Variants in ARHGEF10L observed in about 807,000 individuals in gnomAD.
The protein encoded by ARHGEF10L is rho guanine nucleotide exchange factor 10-like protein.
A neutral mutation model predicts 141.2 loss-of-function variants in ARHGEF10L; 69 were observed. The observed-to-expected ratio is 0.49, with a 90% CI of 0.40 to 0.60. The LOEUF (loss-of-function observed/expected upper bound fraction) is 0.60. Among genes scored for constraint, ARHGEF10L ranks in the 20% least tolerant of loss-of-function variants. The probability of loss-of-function intolerance (pLI) is 0.00; values close to 1 mark genes in which losing one functional copy is unlikely to be tolerated. For missense variants in ARHGEF10L, 1,482 were observed against 1,734.3 expected, an observed-to-expected ratio of 0.85 and a Z score of 2.58; for synonymous variants, 711 against 718.5, an observed-to-expected ratio of 0.99 and a Z score of 0.17.
At position 17,627,236 on chromosome 1, in the gene ARHGEF10L, T is replaced by C. The variant is rs566984394; in HGVS notation, c.1411-94T>C. ...CAGGCCGGGCCCTTTGCAGACCCAG[T>C]GTGTGTAGGGGGTTGCGCAGGGTGA... On this transcript the variant is annotated intron_variant, in intron 14 of 28. Transcript: ENST00000361221. The surrounding 1 kb of genome is among the most constrained non-coding windows in gnomAD (Gnocchi z 4.0). 9 of 1,457,110 alleles carry C rather than the reference T, an allele frequency of 6.2e-6. No homozygotes were observed. The African/African-American group carries it at 9.8e-5, about 16-fold the overall frequency. The allele number at this position is 1,457,110 out of a possible 1,614,324, so 90.3% of individuals were successfully genotyped here. A position where few individuals can be genotyped will look rare whatever the true frequency, so the allele number is the denominator to read the frequency against.
chr1:17,551,798 G>A (rs569068226), intron 1 of ARHGEF10L, among the ~76,000 whole-genome samples: 16 of 152,206 alleles, frequency 1.1e-4, no homozygotes, highest in South Asian at 2.1e-4. Flanking sequence ...GTCTCCCAGC[G>A]TGCCAGGTCA....
At chr1:17,638,040 C>G (rs754387968) in intron 19 of ARHGEF10L, 37 bp downstream of exon 19, 2 of 1,538,318 alleles carry the variant, frequency 1.3e-6, no homozygotes, top group Non-Finnish European at 1.8e-6. Context: ...GCCTGAGCTC[C>G]CCAGTGTGGG....
the ARHGEF10L span, among the ~76,000 whole-genome samples, chr1:17,516,224 G>A: frequency 6.6e-6 from 1 of 152,214 alleles, no homozygotes; most frequent in Non-Finnish European, 1.5e-5. Flanking sequence ...TCACCTCTTG[G>A]AGTGACCGAC....
rs770413843 is a variant in ARHGEF10L, at chr1:17,654,618, C to T, written c.2395-18C>T. On this transcript the variant is annotated intron_variant, in intron 22 of 28. Coordinates refer to ENST00000361221, the MANE Select transcript of ARHGEF10L (RefSeq NM_018125.4). The surrounding 1 kb of genome is among the most constrained non-coding windows in gnomAD (Gnocchi z 4.3). ...ACCTTGATGATTAACCTCACATGTA[C>T]CGTCTCTGTCTCTGCAGCTTGGGGC... The T allele has an allele frequency of 6.2e-7, 1 of 1,611,124 alleles. No individual in the cohort carries two copies. The highest frequency in any genetic ancestry group is 8.5e-7 in the Non-Finnish European group (1 of 1,177,280).
At chr1:17,571,734 A>G (rs996796991) in intron 1 of ARHGEF10L, among the ~76,000 whole-genome samples, 1 of 152,094 alleles carries the variant, frequency 6.6e-6, no homozygotes, top group African/African-American at 2.4e-5. Flanking sequence ...GGGTTTCACC[A>G]CCTTGACCAG....
intron 16 of ARHGEF10L, 87 bp from the exon 17 acceptor site, chr1:17,634,461 T>C: frequency 6.2e-7 from 1 of 1,603,128 alleles, no homozygotes. Flanking sequence ...CCCAGCCCCA[T>C]GGCTGGCCCC....
rs192594679 is a variant in ARHGEF10L, at chr1:17,590,207, G to A, written c.257+1728G>A. Among the ~76,000 whole-genome samples, 221 of 152,302 alleles carry A rather than the reference G, an allele frequency of 1.5e-3. 1 individual carries two copies. Among genetic ancestry groups the A allele is most frequent in the African/African-American group, 4.8e-3 (200 of 41,580 alleles). On this transcript the variant is annotated intron_variant, in intron 4 of 28. Transcript: ENST00000361221. ...CTTCTCTGCCTCCAGGAGCTCATGC[G>A]CTGGTCCCTGATGAGAGGGTGTGGC...
At chr1:17,665,809 G>A (rs1255187984) in intron 26 of ARHGEF10L, among the ~76,000 whole-genome samples, 1 of 152,114 alleles carries the variant, frequency 6.6e-6, no homozygotes, top group African/African-American at 2.4e-5. Flanking sequence ...ATAAAGAGTC[G>A]GCTCATGGGG....
intron 1 of ARHGEF10L, among the ~76,000 whole-genome samples, chr1:17,549,940 A>G (rs1191045292): frequency 6.6e-6 from 1 of 152,228 alleles, no homozygotes; most frequent in African/African-American, 2.4e-5. Context: ...TGGTCCAGCA[A>G]ACAAGACTAC....
At position 17,621,259 on chromosome 1, in the gene ARHGEF10L, G is replaced by C. The variant is rs1412587423; in HGVS notation, c.943-605G>C. On this transcript the variant is annotated intron_variant, in intron 10 of 28. Coordinates refer to ENST00000361221, the MANE Select transcript of ARHGEF10L (RefSeq NM_018125.4). This position sits in a 1 kb window ranked among gnomAD's most constrained non-coding sequence, Gnocchi z 4.1. ...TTCTTTTCTTTTTTTTTGAGATGGAGTCTTGCTCTGTTGCCCAGGCTGGAG... is the reference window on the plus strand; with the variant it reads ...TTCTTTTCTTTTTTTTTGAGATGGACTCTTGCTCTGTTGCCCAGGCTGGAG... 1.3e-5 allele frequency among the ~76,000 whole-genome samples: 2 copies of C among 152,094 alleles called. No individual in the cohort carries two copies. The highest frequency in any genetic ancestry group is 4.8e-5 in the African/African-American group (2 of 41,406).
the ARHGEF10L span, among the ~76,000 whole-genome samples, chr1:17,534,153 C>T: frequency 4.0e-5 from 6 of 150,156 alleles, no homozygotes; most frequent in Non-Finnish European, 7.4e-5. Flanking sequence ...GACGGAGTCT[C>T]ACTTTGTCAC....
intron 1 of ARHGEF10L, among the ~76,000 whole-genome samples, chr1:17,552,603 T>TTTTC (rs2077160468): frequency 9.7e-6 from 1 of 103,062 alleles, no homozygotes; most frequent in African/African-American, 4.0e-5. Context: ...TTTTTTTTTT[T>TTTTC]AGTAGATACA....
At chr1:17,583,170 C>T (rs1239457801) in intron 2 of ARHGEF10L, among the ~76,000 whole-genome samples, 2 of 149,182 alleles carry the variant, frequency 1.3e-5, no homozygotes, top group Non-Finnish European at 3.0e-5. Flanking sequence ...GCACCACTGC[C>T]CTCCAGCCTG....
intron 6 of ARHGEF10L, among the ~76,000 whole-genome samples, chr1:17,605,722 T>C (rs1217182121): frequency 6.6e-6 from 1 of 152,066 alleles, no homozygotes; most frequent in African/African-American, 2.4e-5. Flanking sequence ...TGGAGGTGGT[T>C]GGGTGCACGG....
chr1:17,617,493 GC>G (rs2101272225), intron 9 of ARHGEF10L, among the ~76,000 whole-genome samples: 1 of 152,292 alleles, frequency 6.6e-6, no homozygotes, highest in South Asian at 2.1e-4. Context: ...GGCCCCTGCT[GC>G]CCATCTCACA....
the ARHGEF10L span, among the ~76,000 whole-genome samples, chr1:17,532,579 G>C: frequency 2.0e-5 from 3 of 149,302 alleles, no homozygotes; most frequent in Non-Finnish European, 4.4e-5. Flanking sequence ...TTTGTCCTTT[G>C]TCCCTTCACC....
chr1:17,567,936 C>G (rs2077831099), intron 1 of ARHGEF10L, among the ~76,000 whole-genome samples: 1 of 152,216 alleles, frequency 6.6e-6, no homozygotes, highest in Admixed American at 6.5e-5. Flanking sequence ...GACCCTCTTC[C>G]CTGGAATCTT....
chr1:17,660,428 G>A (rs1030331714), intron 25 of ARHGEF10L, among the ~76,000 whole-genome samples: 6 of 152,242 alleles, frequency 3.9e-5, no homozygotes, highest in Non-Finnish European at 7.3e-5. Flanking sequence ...TAGAATGGTT[G>A]TGAAGGGTAG....
intron 3 of ARHGEF10L, 35 bp from the exon 4 acceptor site, chr1:17,588,411 G>T: frequency 6.2e-7 from 1 of 1,613,410 alleles, no homozygotes; most frequent in Non-Finnish European, 8.5e-7. Context: ...CCAGCCTCTG[G>T]CCTGACAGGC....
Sources: allele counts gnomAD v4.1 joint callset (sites outside exome capture counted in the v4.1 genomes callset), GRCh38; gene constraint gnomAD v4.1.1; non-coding constraint Gnocchi (gnomAD v3.1); transcripts MANE v1.5; gene names NCBI Gene and HGNC (gene_info 2026-07-23, HGNC 2026-07-21).